KREMEN1: variants seen among roughly 807,000 people sequenced by gnomAD.
KREMEN1 encodes kremen protein 1.
KREMEN1 carries 30 observed loss-of-function variants against 46.5 expected under a neutral mutation model. That is an observed-to-expected ratio of 0.65 (90% CI 0.48 to 0.88). The LOEUF (loss-of-function observed/expected upper bound fraction) is 0.88, where lower values mean the gene tolerates loss of function less well. Ranked by LOEUF, KREMEN1 falls within the 40% of genes least tolerant of loss-of-function variation. The pLI is 0.00. For synonymous variants in KREMEN1, 214 were observed against 230.6 expected, an observed-to-expected ratio of 0.93 and a Z score of 0.65; for missense variants, 533 against 596.9, an observed-to-expected ratio of 0.89 and a Z score of 1.11.
chr22:29,104,554 A>T (rs1355140468), intron 3 of KREMEN1, among the ~76,000 whole-genome samples: 2 of 152,260 alleles, frequency 1.3e-5, no homozygotes, highest in Non-Finnish European at 2.9e-5. Flanking sequence ...ACTATTAGTT[A>T]TTTAAAGTTA....
chr22:29,133,494 T>C lies in KREMEN1; in HGVS notation c.632-3848T>C, dbSNP rs190997858. Among the ~76,000 whole-genome samples, 13 of 151,882 alleles carry C rather than the reference T, an allele frequency of 8.6e-5. No homozygotes were observed. The East Asian group carries it at 2.5e-3, about 30-fold the overall frequency. On this transcript the variant is annotated intron_variant, in intron 5 of 8. Transcript: ENST00000400335. ...TTTTTAATTTTGTATAGAGATAGGGTCTCACTATGTTACCCAGACTGATCT... is the reference window on the plus strand; with the variant it reads ...TTTTTAATTTTGTATAGAGATAGGGCCTCACTATGTTACCCAGACTGATCT...
rs745351460 is a variant in KREMEN1, at chr22:29,143,017, G to A, written c.*905G>A. On this transcript the variant is annotated 3_prime_UTR_variant, in exon 9 of 9. Coordinates refer to ENST00000400335, the MANE Select transcript of KREMEN1 (RefSeq NM_001039570.3). ...ATATAAAAATTAGTCAGGCGTGGTG[G>A]CAGGCGCCTGTAATCCCAGCTACTC... 1 of 455,258 alleles carries A rather than the reference G, an allele frequency of 2.2e-6. No individual in the cohort carries two copies. The highest frequency in any genetic ancestry group is 2.9e-6 in the Non-Finnish European group (1 of 345,814). 28.2% of individuals were successfully genotyped at this position (455,258 alleles called of 1,614,324 possible). A position where few individuals can be genotyped will look rare whatever the true frequency, so the allele number is the denominator to read the frequency against.
At position 29,119,613 on chromosome 22, in the gene KREMEN1, C is replaced by T. The variant is rs2038297866; in HGVS notation, c.353-1744C>T. Among the ~76,000 whole-genome samples, 3 of 152,290 alleles carry T rather than the reference C, an allele frequency of 2.0e-5. No homozygotes were observed. The South Asian group carries it at 6.2e-4, about 32-fold the overall frequency. On this transcript the variant is annotated intron_variant, in intron 3 of 8. Coordinates refer to ENST00000400335, the MANE Select transcript of KREMEN1 (RefSeq NM_001039570.3). ...AGTTGCTCTGTGCCAGGGCAGAGAC[C>T]AAGTGTCACGGGGGTATGCAAACAT...
At position 29,140,313 on chromosome 22, in the gene KREMEN1, C is replaced by T. The variant is rs764647050; in HGVS notation, c.1155C>T (p.Leu385=). 2 of 1,614,018 alleles carry T rather than the reference C, an allele frequency of 1.2e-6. No individual in the cohort carries two copies. Among genetic ancestry groups the T allele is most frequent in the African/African-American group, 1.3e-5 (1 of 74,934 alleles). The part of the protein sequence containing the change: ...GWTVYGLATL[L]ILTVTAIVAK... ...CAGTCTATGGTCTGGCAACTCTCCT[C>T]ATCCTCACAGTCACAGCCATTGTAG... The change falls in exon 8 of 9, where the codon CTC becomes CTT. Residue 385 remains leucine (L), a synonymous_variant. Transcript: ENST00000400335.
At chr22:29,135,552 C>G (rs2038643057) in intron 5 of KREMEN1, among the ~76,000 whole-genome samples, 1 of 152,168 alleles carries the variant, frequency 6.6e-6, no homozygotes, top group Non-Finnish European at 1.5e-5. Flanking sequence ...CTCCTGCACA[C>G]TCATGCCACT....
intron 3 of KREMEN1, among the ~76,000 whole-genome samples, chr22:29,114,903 A>G (rs1326904417): frequency 3.3e-5 from 5 of 152,260 alleles, no homozygotes; most frequent in Non-Finnish European, 5.9e-5. Flanking sequence ...ATCCAAAATG[A>G]TTAAGATAAA....
intron 3 of KREMEN1, among the ~76,000 whole-genome samples, chr22:29,100,500 CAT>C (rs1185985088): frequency 3.3e-5 from 5 of 152,266 alleles, no homozygotes; most frequent in African/African-American, 9.6e-5. Flanking sequence ...ACACATTACT[CAT>C]GTGTTTGTGG....
Position 29,142,005 on chromosome 22 carries a change from GA to G in KREMEN1, c.1273del (p.Ile425SerfsTer32). ...TTGTCATCAACCAGGGACTTCGGGG[GA>G]AATCTGGAGCATTTTTTACAAGCCT... is the stretch of plus-strand genomic sequence containing the variant. ...RDCHQPGTSG[E>X]IWSIFYKPST... On this transcript the variant is annotated frameshift_variant, in exon 9 of 9. Transcript: ENST00000400335. LOFTEE classifies it high-confidence loss of function. The G allele has an allele frequency of 6.2e-7, 1 of 1,613,514 alleles. No individual in the cohort carries two copies. Among genetic ancestry groups the G allele is most frequent in the Non-Finnish European group, 8.5e-7 (1 of 1,179,692 alleles).
chr22:29,105,860 C>T (rs910586686), intron 3 of KREMEN1, among the ~76,000 whole-genome samples: 1 of 152,138 alleles, frequency 6.6e-6, no homozygotes, highest in African/African-American at 2.4e-5. Context: ...ACCTTAGGTC[C>T]ATCTCAGCTG....
chr22:29,077,279 A>G (rs1482020025), intron 1 of KREMEN1, among the ~76,000 whole-genome samples: 1 of 152,246 alleles, frequency 6.6e-6, no homozygotes, highest in Admixed American at 6.5e-5. Context: ...CAGCACAGAC[A>G]AAAGACAAAT....
intron 9 of KREMEN1, among the ~76,000 whole-genome samples, chr22:29,159,732 A>G (rs2038994201): frequency 6.6e-6 from 1 of 152,246 alleles, no homozygotes; most frequent in Admixed American, 6.5e-5. Flanking sequence ...CTTACTGGTG[A>G]GAGATTTTTC....
chr22:29,164,612 G>T (rs1460870758), intron 9 of KREMEN1, among the ~76,000 whole-genome samples: 1 of 151,928 alleles, frequency 6.6e-6, no homozygotes, highest in Non-Finnish European at 1.5e-5. Context: ...TGGGTGTGGT[G>T]GCGGGTGCCT....
At chr22:29,108,902 A>C (rs2038101167) in intron 3 of KREMEN1, among the ~76,000 whole-genome samples, 1 of 152,022 alleles carries the variant, frequency 6.6e-6, no homozygotes, top group Non-Finnish European at 1.5e-5. Flanking sequence ...TGATCCTCCC[A>C]CCTCAGTGTC....
At chr22:29,160,129 C>G (rs1461647304) in intron 9 of KREMEN1, among the ~76,000 whole-genome samples, 1 of 152,072 alleles carries the variant, frequency 6.6e-6, no homozygotes, top group South Asian at 2.1e-4. Flanking sequence ...GAACATATTC[C>G]AAGATCAACC....
intron 9 of KREMEN1, among the ~76,000 whole-genome samples, chr22:29,155,999 G>T (rs564094409): frequency 2.0e-4 from 31 of 151,578 alleles, no homozygotes; most frequent in African/African-American, 7.2e-4. Flanking sequence ...AAAACAAAAA[G>T]AACAACATAA....
intron 4 of KREMEN1, among the ~76,000 whole-genome samples, chr22:29,123,505 T>TAGTC (rs967587529): frequency 6.6e-6 from 1 of 152,114 alleles, no homozygotes; most frequent in Non-Finnish European, 1.5e-5. Flanking sequence ...CATGAAAAGA[T>TAGTC]AGTCATCTGG....
chr22:29,085,996 C>A (rs2037722763), intron 1 of KREMEN1, among the ~76,000 whole-genome samples: 2 of 146,406 alleles, frequency 1.4e-5, no homozygotes, highest in African/African-American at 5.0e-5. Context: ...CTAAGTGCCT[C>A]TCAGAGGGAA....
In KREMEN1 at chr22:29,163,517, A is replaced by C. The variant is rs554814858; in HGVS notation, c.1417-3527A>C. On this transcript the variant is annotated intron_variant, in intron 9 of 9. Coordinates refer to the KREMEN1 transcript ENST00000327813. Reference sequence around the variant, plus strand: ...CTCAGTCTCCCGAATAGCTGGGATTACAGGGGCCACCACCACGCCCAGCTA... The same window carrying C: ...CTCAGTCTCCCGAATAGCTGGGATTCCAGGGGCCACCACCACGCCCAGCTA... Among the ~76,000 whole-genome samples, 258 of 152,190 alleles carry C rather than the reference A, an allele frequency of 1.7e-3. 3 individuals carry two copies. The highest frequency in any genetic ancestry group is 3.3e-3 in the Non-Finnish European group (224 of 68,024).
chr22:29,132,674 A>G (rs2038581056), intron 5 of KREMEN1, among the ~76,000 whole-genome samples: 1 of 152,204 alleles, frequency 6.6e-6, no homozygotes, highest in African/African-American at 2.4e-5. Context: ...CATCTGGTAT[A>G]TTCCTTTCCC....
Sources: allele counts gnomAD v4.1 joint callset (sites outside exome capture counted in the v4.1 genomes callset), GRCh38; gene constraint gnomAD v4.1.1; transcripts MANE v1.5; gene names NCBI Gene and HGNC (gene_info 2026-07-23, HGNC 2026-07-21).